PCDHGB1: variants seen among roughly 807,000 people sequenced by gnomAD.
PCDHGB1 encodes protocadherin gamma-B1.
PCDHGB1 carries 34 observed loss-of-function variants against 56.6 expected under a neutral mutation model. That is an observed-to-expected ratio of 0.60 (90% CI 0.46 to 0.80). The LOEUF is 0.80. PCDHGB1 is among the 30% of genes least tolerant of loss of function. PCDHGB1 has a pLI of 0.00. For synonymous variants in PCDHGB1, 561 were observed against 505.9 expected (o/e 1.11, Z -1.46); for missense variants, 1,278 against 1,204.6 (o/e 1.06, Z -0.90).
At chr5:141,468,154 G>A (rs1374898668) in intron 1 of PCDHGB1, among the ~76,000 whole-genome samples, 2 of 151,838 alleles carry the variant, frequency 1.3e-5, no homozygotes, top group African/African-American at 2.4e-5. Flanking sequence ...GTGAAACCCT[G>A]TCTCTGCTAA....
intron 1 of PCDHGB1, among the ~76,000 whole-genome samples, chr5:141,452,199 G>T (rs2098736057): frequency 1.3e-5 from 2 of 151,778 alleles, no homozygotes; most frequent in African/African-American, 4.8e-5. Flanking sequence ...AATTGTTTTA[G>T]ATGTTACCAA....
In PCDHGB1 at chr5:141,351,738, A is replaced by G. The variant is rs1758802702; in HGVS notation, c.1478A>G (p.Glu493Gly). 3.7e-6 allele frequency: 6 copies of G among 1,613,658 alleles called. No homozygotes were observed. The highest frequency in any genetic ancestry group is 4.2e-6 in the Non-Finnish European group (5 of 1,179,894). ...VSYSILASDL[E>G]PRELLSYVSV... is the part of the protein sequence containing the mutation. ...TACTCTATTCTGGCCAGTGACCTGG[A>G]GCCGCGGGAGCTGTTGTCCTACGTG... Residue 493 changes from glutamate to glycine, a missense_variant, in exon 1 of 4, where the codon GAG becomes GGG. Transcript: ENST00000523390.
At position 141,489,871 on chromosome 5, in the gene PCDHGB1, G is replaced by C; in HGVS notation, c.2410-4936G>C. ...TGAAGCCCAGGCAAGACATCAGCTGGTGCTTACTGCTGTGGATGGGGGGAC... is the reference window on the plus strand; with the variant it reads ...TGAAGCCCAGGCAAGACATCAGCTGCTGCTTACTGCTGTGGATGGGGGGAC... On this transcript the variant is annotated intron_variant, in intron 1 of 3. Coordinates refer to ENST00000523390, the MANE Select transcript of PCDHGB1 (RefSeq NM_018922.3). The surrounding 1 kb of genome is among the most constrained non-coding windows in gnomAD (Gnocchi z 4.5). 1 of 1,614,206 alleles carries C rather than the reference G, an allele frequency of 6.2e-7. No individual in the cohort carries two copies.
In PCDHGB1 at chr5:141,487,737, T is replaced by G. The variant is rs1019622307; in HGVS notation, c.2410-7070T>G. 1 of 1,563,758 alleles carries G rather than the reference T, an allele frequency of 6.4e-7. No homozygotes were observed. The highest frequency in any genetic ancestry group is 8.7e-7 in the Non-Finnish European group (1 of 1,152,772). On this transcript the variant is annotated intron_variant, in intron 1 of 3. Transcript: ENST00000523390. This position sits in a 1 kb window ranked among gnomAD's most constrained non-coding sequence, Gnocchi z 5.0. ...GCCCATAGTGATGTCACCATTTTTG[T>G]AAGAGGTAACTATGTGGTAGACGCT...
intron 1 of PCDHGB1, chr5:141,415,463 T>G: frequency 6.2e-7 from 1 of 1,614,228 alleles, no homozygotes; most frequent in South Asian, 1.1e-5. Flanking sequence ...GAGGTCTCTC[T>G]CACCGCGGAC....
intron 1 of PCDHGB1, chr5:141,409,428 C>T (rs2095264686): frequency 6.2e-7 from 1 of 1,613,870 alleles, no homozygotes; most frequent in Admixed American, 1.7e-5. Context: ...ACAGATGGAG[C>T]CCTGGACCGA....
intron 1 of PCDHGB1, chr5:141,394,936 T>G: frequency 1.2e-6 from 2 of 1,613,836 alleles, no homozygotes; most frequent in Non-Finnish European, 8.5e-7. Flanking sequence ...CTCGCCTTTG[T>G]CGCTGTGCTT....
intron 1 of PCDHGB1, chr5:141,409,656 G>A: frequency 6.2e-7 from 1 of 1,613,618 alleles, no homozygotes; most frequent in South Asian, 1.1e-5. Context: ...GGGCTCAATG[G>A]CCACATCTCC....
rs374200575 is a variant in PCDHGB1 at position 141,432,105 on chromosome 5, C to G, written c.2410-62702C>G. On this transcript the variant is annotated intron_variant, in intron 1 of 3. Transcript: ENST00000523390. This position sits in a 1 kb window ranked among gnomAD's most constrained non-coding sequence, Gnocchi z 6.0. The stretch of plus-strand genomic sequence containing the variant: ...AACGTGGCAGACACCAACGACAACC[C>G]GCCGGTCTTCCCTCAGGCCTCCTAT... 1.2e-6 allele frequency: 2 copies of G among 1,614,172 alleles called. No individual in the cohort carries two copies. Among genetic ancestry groups the G allele is most frequent in the Non-Finnish European group, 1.7e-6 (2 of 1,180,034 alleles).
intron 1 of PCDHGB1, among the ~76,000 whole-genome samples, chr5:141,358,289 G>T (rs1428102148): frequency 6.6e-6 from 1 of 152,214 alleles, no homozygotes; most frequent in Non-Finnish European, 1.5e-5. Context: ...GAAGGCAATT[G>T]TGTAAATTCA....
At chr5:141,456,453 A>G (rs1395554812) in intron 1 of PCDHGB1, among the ~76,000 whole-genome samples, 1 of 152,190 alleles carries the variant, frequency 6.6e-6, no homozygotes, top group Non-Finnish European at 1.5e-5. Flanking sequence ...GAGTCCAAAT[A>G]TCAATACAAG....
rs147783721 is a variant in PCDHGB1 at position 141,404,989 on chromosome 5, G to T, written c.2409+52320G>T. ...TCCTGGCTGACCTGGGCAGTCTTCAGATCCCTGCAGACCTGGAGGCCTCAG... is the reference window on the plus strand; with the variant it reads ...TCCTGGCTGACCTGGGCAGTCTTCATATCCCTGCAGACCTGGAGGCCTCAG... On this transcript the variant is annotated intron_variant, in intron 1 of 3. Transcript: ENST00000523390. 1.6e-5 allele frequency: 26 copies of T among 1,614,046 alleles called. No individual in the cohort carries two copies. In the Admixed American group the frequency reaches 4.0e-4, roughly 25 times the overall value.
chr5:141,473,254 T>C (rs1203765731), intron 1 of PCDHGB1, among the ~76,000 whole-genome samples: 5 of 152,152 alleles, frequency 3.3e-5, no homozygotes, highest in African/African-American at 4.8e-5. Context: ...ACATATATAG[T>C]CCTTAGTGTA....
At chr5:141,364,892 G>A in intron 1 of PCDHGB1, 1 of 1,613,984 alleles carries the variant, frequency 6.2e-7, no homozygotes, top group South Asian at 1.1e-5. Flanking sequence ...CGGAACTGAT[G>A]GACAAAAGTA....
rs772000812 is a variant in PCDHGB1, at chr5:141,478,304, C to T, written c.2410-16503C>T. The T allele has an allele frequency of 8.1e-6, 13 of 1,614,108 alleles. No individual in the cohort carries two copies. In the Middle Eastern group the frequency reaches 1.2e-3, roughly 143 times the overall value. On this transcript the variant is annotated intron_variant, in intron 1 of 3. Coordinates refer to ENST00000523390, the MANE Select transcript of PCDHGB1 (RefSeq NM_018922.3). The stretch of plus-strand genomic sequence containing the variant: ...GCAGTCTAGAGACCTATACCGAGCC[C>T]CGGTGAGCTCACTGTACCGAACACC...
At chr5:141,383,218 A>C in intron 1 of PCDHGB1, 1 of 1,614,020 alleles carries the variant, frequency 6.2e-7, no homozygotes, top group Non-Finnish European at 8.5e-7. Context: ...GGTAAACTTT[A>C]ACATCCTGAT....
In PCDHGB1 at chr5:141,423,740, GA is replaced by G. The variant is rs778655137; in HGVS notation, c.2410-71063del. 7 of 698,952 alleles carry G rather than the reference GA, an allele frequency of 1.0e-5. No individual in the cohort carries two copies. The African/African-American group carries it at 1.9e-4, about 19-fold the overall frequency. The allele number at this position is 698,952 out of a possible 1,614,324, so 43.3% of individuals were successfully genotyped here. ...AGGAGATGTTTTTTGAGCCTGTTAT[GA>G]AAACTGTTTGGGGGGGGGGTGGGGC... On this transcript the variant is annotated intron_variant, in intron 1 of 3. Coordinates refer to ENST00000523390, the MANE Select transcript of PCDHGB1 (RefSeq NM_018922.3).
chr5:141,503,367 C>T (rs1038565489), intron 2 of PCDHGB1, among the ~76,000 whole-genome samples: 5 of 151,908 alleles, frequency 3.3e-5, no homozygotes, highest in African/African-American at 9.7e-5. Flanking sequence ...GAAGCGGAGG[C>T]AGGTGGATCA....
chr5:141,356,974 G>A (rs1760414253), intron 1 of PCDHGB1: 25 of 1,614,240 alleles, frequency 1.5e-5, no homozygotes, highest in Non-Finnish European at 2.1e-5. Flanking sequence ...GACCAAAGTG[G>A]TGGCAGTGGA....
Sources: gnomAD v4.1 joint callset for allele counts (sites outside exome capture counted in the v4.1 genomes callset) on GRCh38, gnomAD v4.1.1 for gene constraint, Gnocchi (gnomAD v3.1) non-coding constraint, MANE v1.5 for transcripts, NCBI Gene and HGNC (gene_info 2026-07-23, HGNC 2026-07-21) for gene names.